AOX1: variants seen among roughly 807,000 people sequenced by gnomAD.
AOX1 encodes aldehyde oxidase 1.
AOX1 carries 153 observed loss-of-function variants against 169.5 expected under a neutral mutation model. The observed-to-expected ratio is 0.90, with a 90% CI of 0.79 to 1.03. AOX1 has a LOEUF of 1.03. Ranked by LOEUF, AOX1 falls within the 50% of genes least tolerant of loss-of-function variation. AOX1 has a pLI of 0.00. For missense variants in AOX1, 1,656 were observed against 1,663.9 expected, an observed-to-expected ratio of 1.00 and a Z score of 0.08; for synonymous variants, 562 against 581.9, an observed-to-expected ratio of 0.97 and a Z score of 0.49.
intron 16 of AOX1, among the ~76,000 whole-genome samples, chr2:200,619,985 A>G (rs948576157): frequency 1.3e-5 from 2 of 152,220 alleles, no homozygotes; most frequent in African/African-American, 2.4e-5. Context: ...TAAAATTTAA[A>G]GAGATACATA....
At chr2:200,612,540 C>T in intron 13 of AOX1, 69 bp from the exon 14 acceptor site, 1 of 1,510,502 alleles carries the variant, frequency 6.6e-7, no homozygotes, top group South Asian at 1.2e-5. Context: ...ATACTCAAGA[C>T]ACACAGACTG....
At chr2:200,587,339 A>G (rs888206170) in intron 1 of AOX1, among the ~76,000 whole-genome samples, 1 of 152,100 alleles carries the variant, frequency 6.6e-6, no homozygotes, top group Admixed American at 6.5e-5. Context: ...GTGGCACCTG[A>G]TTTCCCTGGT....
In AOX1 at chr2:200,623,950, T is replaced by C. The variant is rs753060481; in HGVS notation, c.2091T>C (p.Tyr697=). 17 of 1,614,150 alleles carry C rather than the reference T, an allele frequency of 1.1e-5. No individual in the cohort carries two copies. The highest frequency in any genetic ancestry group is 1.4e-5 in the Non-Finnish European group (16 of 1,179,998). Residue 697 remains tyrosine, a synonymous_variant, in exon 19 of 35, where the codon TAT becomes TAC. Transcript: ENST00000374700. The stretch of plus-strand genomic sequence containing the variant: ...CTGCTAAGCGAGTGAAGATTGTCTA[T>C]CAAGACTTGGAGCCGCTGATACTAA... ...KRAAKRVKIV[Y]QDLEPLILTI... is the part of the protein sequence containing the mutation.
chr2:200,656,286 C>A (rs111540235), intron 26 of AOX1, among the ~76,000 whole-genome samples: 1 of 147,762 alleles, frequency 6.8e-6, no homozygotes, highest in East Asian at 1.9e-4. Flanking sequence ...CAGGCAGATA[C>A]GCAAGAAGGC....
chr2:200,618,664 T>C (rs958944712), intron 16 of AOX1, among the ~76,000 whole-genome samples: 2 of 152,210 alleles, frequency 1.3e-5, no homozygotes, highest in Non-Finnish European at 2.9e-5. Flanking sequence ...CAGAGGTTTT[T>C]TGTTTTTTTG....
chr2:200,659,385 C>T (rs2035765458), intron 28 of AOX1, 92 bp downstream of exon 28: 1 of 1,374,804 alleles, frequency 7.3e-7, no homozygotes, highest in South Asian at 1.3e-5. Flanking sequence ...AGAGTTAATC[C>T]AACTCATATC....
At chr2:200,676,784 CAT>C in intron 4 of AOX1, 3 of 402,494 alleles carry the variant, frequency 7.5e-6, no homozygotes, top group Non-Finnish European at 1.5e-5. Context: ...GGGTTGGGAA[CAT>C]AGACAGACAG....
chr2:200,651,070 G>A lies in AOX1; in HGVS notation c.2944G>A (p.Ala982Thr). The change falls in exon 26 of 35, where the codon GCC becomes ACC. Residue 982 changes from alanine to threonine, a missense_variant. Physicochemically the swap from Ala to Thr is moderately conservative, Grantham distance 58 (BLOSUM62 0). Coordinates refer to ENST00000374700, the MANE Select transcript of AOX1 (RefSeq NM_001159.4). ...NLIQCWRECM[A>T]MSSYSLRKVA... ...AATCCAGTGTTGGAGAGAATGTATG[G>A]CCATGTCTTCCTACTCCTTGAGGAA... The A allele has an allele frequency of 2.5e-6, 4 of 1,614,148 alleles. No homozygotes were observed. Among genetic ancestry groups the A allele is most frequent in the Non-Finnish European group, 3.4e-6 (4 of 1,179,998 alleles).
At chr2:200,625,132 T>A (rs2034974293) in intron 19 of AOX1, among the ~76,000 whole-genome samples, 1 of 151,902 alleles carries the variant, frequency 6.6e-6, no homozygotes, top group Non-Finnish European at 1.5e-5. Context: ...CTAATTGGAG[T>A]CGAAGTGTGA....
chr2:200,642,878 G>A, intron 25 of AOX1, 77 bp downstream of exon 25: 1 of 1,400,152 alleles, frequency 7.1e-7, no homozygotes, highest in Non-Finnish European at 9.8e-7. Flanking sequence ...CATTCAGGTT[G>A]AGGAATTTGA....
chr2:200,629,093 A>G (rs1358734071), intron 20 of AOX1, among the ~76,000 whole-genome samples: 1 of 152,162 alleles, frequency 6.6e-6, no homozygotes, highest in Non-Finnish European at 1.5e-5. Context: ...TTAAGTTCCA[A>G]GCCCATCATG....
chr2:200,652,848 T>G, intron 26 of AOX1, among the ~76,000 whole-genome samples: 1 of 152,204 alleles, frequency 6.6e-6, no homozygotes. Flanking sequence ...GAGAATTGCT[T>G]GAGGCCAGAA....
intron 16 of AOX1, among the ~76,000 whole-genome samples, chr2:200,619,603 C>T (rs1355310892): frequency 3.3e-5 from 5 of 152,114 alleles, no homozygotes; most frequent in Non-Finnish European, 7.4e-5. Flanking sequence ...CCATAAATTC[C>T]CATATTTGAA....
At chr2:200,625,133 C>T (rs1198153529) in intron 19 of AOX1, among the ~76,000 whole-genome samples, 8 of 152,208 alleles carry the variant, frequency 5.3e-5, no homozygotes, top group East Asian at 1.9e-4. Context: ...TAATTGGAGT[C>T]GAAGTGTGAT....
intron 1 of AOX1, among the ~76,000 whole-genome samples, chr2:200,590,670 T>A (rs1559228180): frequency 6.6e-6 from 1 of 152,236 alleles, no homozygotes; most frequent in South Asian, 2.1e-4. Flanking sequence ...CAAACAAGCA[T>A]GACCACCTTC....
At chr2:200,612,195 G>A (rs1009016475) in intron 13 of AOX1, among the ~76,000 whole-genome samples, 3 of 152,176 alleles carry the variant, frequency 2.0e-5, no homozygotes, top group Non-Finnish European at 4.4e-5. Context: ...ATGAGGCTTT[G>A]CATGAGATAG....
At chr2:200,664,666 T>C (rs1216635876) in intron 31 of AOX1, among the ~76,000 whole-genome samples, 5 of 152,226 alleles carry the variant, frequency 3.3e-5, no homozygotes, top group Non-Finnish European at 7.3e-5. Flanking sequence ...CTCAGGTTAG[T>C]GTCACTGCTA....
intron 28 of AOX1, among the ~76,000 whole-genome samples, chr2:200,659,580 G>A (rs957715796): frequency 6.6e-6 from 1 of 151,952 alleles, no homozygotes; most frequent in Non-Finnish European, 1.5e-5. Flanking sequence ...AGACAGGCTC[G>A]CGCCTCTCCC....
At chr2:200,617,738 G>A (rs558594431) in intron 16 of AOX1, among the ~76,000 whole-genome samples, 1 of 151,940 alleles carries the variant, frequency 6.6e-6, no homozygotes, top group African/African-American at 2.4e-5. Context: ...TGCTTTTCAG[G>A]ATGAAAAAAC....
Sources: gnomAD v4.1 joint callset for allele counts (sites outside exome capture counted in the v4.1 genomes callset) on GRCh38, gnomAD v4.1.1 for gene constraint, MANE v1.5 for transcripts, NCBI Gene and HGNC (gene_info 2026-07-23, HGNC 2026-07-21) for gene names.